SNTG1: variants seen among roughly 807,000 people sequenced by gnomAD.
SNTG1 encodes syntrophin gamma 1.
Under a neutral mutation model 74.7 loss-of-function variants are expected in SNTG1, and 39 were observed. That is an observed-to-expected ratio of 0.52 (90% confidence interval 0.40 to 0.68). SNTG1 has a LOEUF of 0.68. Among genes scored for constraint, SNTG1 ranks in the 30% least tolerant of loss-of-function variants. The pLI, the probability that SNTG1 is intolerant of heterozygous loss-of-function variation, is 0.00. For synonymous variants in SNTG1, 254 were observed against 217.1 expected, an observed-to-expected ratio of 1.17 and a Z score of -1.49; for missense variants, 685 against 609.5, an observed-to-expected ratio of 1.12 and a Z score of -1.30.
chr8:50,216,955 G>GAA (rs1303543840), intron 2 of SNTG1, among the ~76,000 whole-genome samples: 8 of 151,716 alleles, frequency 5.3e-5, no homozygotes, highest in African/African-American at 1.9e-4. Context: ...AACAGAAGTA[G>GAA]AAAACTTATT....
At chr8:50,386,838 G>A (rs1162829310) in intron 2 of SNTG1, among the ~76,000 whole-genome samples, 3 of 152,112 alleles carry the variant, frequency 2.0e-5, no homozygotes, top group Non-Finnish European at 4.4e-5. Flanking sequence ...ACTCTCCACC[G>A]GGCCCACCTT....
intron 1 of SNTG1, among the ~76,000 whole-genome samples, chr8:50,036,754 C>T (rs1818202490): frequency 6.6e-6 from 1 of 152,182 alleles, no homozygotes; most frequent in Admixed American, 6.5e-5. Context: ...AACTCCTCTT[C>T]TTCGGCTGAA....
intron 2 of SNTG1, among the ~76,000 whole-genome samples, chr8:50,322,403 A>C (rs1246085049): frequency 6.6e-6 from 1 of 152,036 alleles, no homozygotes; most frequent in African/African-American, 2.4e-5. Context: ...GCTGCCAGCT[A>C]TATTGGAGCT....
chr8:49,993,453 G>A (rs1343136672), intron 1 of SNTG1, among the ~76,000 whole-genome samples: 4 of 151,474 alleles, frequency 2.6e-5, no homozygotes, highest in Middle Eastern at 3.4e-3. Context: ...GGTTTGTTAC[G>A]TAGGTATACA....
chr8:50,039,670 C>G lies in SNTG1; in HGVS notation c.-103+127439C>G, dbSNP rs1818467235. The stretch of plus-strand genomic sequence containing the variant: ...TTTTTTTTGCCTATAGAGTATATTC[C>G]CTATTTCCCATATCAAATCTTGCCA... On this transcript the variant is annotated intron_variant, in intron 1 of 18. Transcript: ENST00000642720. Among the ~76,000 whole-genome samples the G allele has an allele frequency of 2.0e-5, 3 of 152,042 alleles. No homozygotes were observed. In the South Asian group the frequency reaches 6.2e-4, roughly 32 times the overall value.
At chr8:50,155,251 A>G (rs912991549) in intron 1 of SNTG1, among the ~76,000 whole-genome samples, 1 of 152,212 alleles carries the variant, frequency 6.6e-6, no homozygotes, top group Non-Finnish European at 1.5e-5. Context: ...AAGGATAGAG[A>G]GTACAAAATT....
intron 1 of SNTG1, among the ~76,000 whole-genome samples, chr8:49,952,908 T>C (rs529444942): frequency 1.3e-5 from 2 of 152,330 alleles, no homozygotes; most frequent in Admixed American, 6.5e-5. Context: ...TAACTTGAGA[T>C]AGAACAAGTA....
At chr8:50,435,573 C>G (rs779139694) in intron 4 of SNTG1, among the ~76,000 whole-genome samples, 5 of 152,108 alleles carry the variant, frequency 3.3e-5, no homozygotes, top group Non-Finnish European at 5.9e-5. Flanking sequence ...TTAGCAGAGG[C>G]CACACCAAGA....
At chr8:50,160,977 T>C (rs548347414) in intron 1 of SNTG1, among the ~76,000 whole-genome samples, 1 of 152,216 alleles carries the variant, frequency 6.6e-6, no homozygotes, top group Non-Finnish European at 1.5e-5. Context: ...GGACCACTGC[T>C]GCAAAGAGAG....
In SNTG1 at chr8:50,792,772, T is replaced by C. The variant is rs1366317081; in HGVS notation, c.1497T>C (p.Ala499=). 1.9e-6 allele frequency: 3 copies of C among 1,612,550 alleles called. No individual in the cohort carries two copies. Among genetic ancestry groups the C allele is most frequent in the Non-Finnish European group, 8.5e-7 (1 of 1,178,948 alleles). The part of the protein sequence containing the change: ...CLDPLFLGNQ[A]TASTAASSAT... ...ACCCTCTATTTTTAGGCAATCAAGCTACTGCTTCTACTGCTGCCAGCTCTG... is the reference window on the plus strand; with the variant it reads ...ACCCTCTATTTTTAGGCAATCAAGCCACTGCTTCTACTGCTGCCAGCTCTG... Residue 499 remains alanine (A), a synonymous_variant, in exon 19 of 19, where the codon GCT becomes GCC. Coordinates refer to ENST00000642720, the MANE Select transcript of SNTG1 (RefSeq NM_018967.5).
chr8:50,481,140 T>G (rs1449242283), intron 8 of SNTG1, among the ~76,000 whole-genome samples: 1 of 152,144 alleles, frequency 6.6e-6, no homozygotes, highest in African/African-American at 2.4e-5. Context: ...CCCAGCACTT[T>G]GGGAAGCCGA....
intron 2 of SNTG1, among the ~76,000 whole-genome samples, chr8:50,178,262 A>G (rs1563700942): frequency 6.6e-6 from 1 of 152,092 alleles, no homozygotes; most frequent in Non-Finnish European, 1.5e-5. Flanking sequence ...TGGCAAAACC[A>G]TTTGGCATTC....
chr8:50,312,102 A>G (rs1339433139), intron 2 of SNTG1, among the ~76,000 whole-genome samples: 1 of 152,164 alleles, frequency 6.6e-6, no homozygotes, highest in Non-Finnish European at 1.5e-5. Flanking sequence ...CTGTATGACA[A>G]TGGACAAGTT....
intron 15 of SNTG1, among the ~76,000 whole-genome samples, chr8:50,661,651 T>A (rs989054724): frequency 2.0e-5 from 3 of 152,130 alleles, no homozygotes; most frequent in Non-Finnish European, 2.9e-5. Context: ...ATCATCTAGG[T>A]TTTAGGCCCT....
chr8:50,457,264 C>G (rs185874040), intron 8 of SNTG1, among the ~76,000 whole-genome samples: 152 of 152,304 alleles, frequency 1.0e-3, no homozygotes, highest in Non-Finnish European at 1.6e-3. Context: ...GCCCACAGAG[C>G]TGCAGCACAC....
intron 2 of SNTG1, among the ~76,000 whole-genome samples, chr8:50,343,045 ACAAAC>A (rs1454692137): frequency 3.3e-5 from 5 of 152,166 alleles, no homozygotes; most frequent in African/African-American, 1.2e-4. Flanking sequence ...AAACCAGAAA[ACAAAC>A]AGAGATACAC....
chr8:50,467,417 C>T (rs4440649), intron 8 of SNTG1, among the ~76,000 whole-genome samples: 130,615 of 151,778 alleles, frequency 0.86, 56,318 homozygotes, highest in Non-Finnish European at 0.89. Context: ...ATCAAATCTG[C>T]GGGCATAGAG....
chr8:50,366,035 C>A (rs1036115748), intron 2 of SNTG1, among the ~76,000 whole-genome samples: 1 of 152,088 alleles, frequency 6.6e-6, no homozygotes, highest in Non-Finnish European at 1.5e-5. Flanking sequence ...TATTTTCTAA[C>A]AAACAATTTA....
intron 4 of SNTG1, among the ~76,000 whole-genome samples, chr8:50,425,718 C>T (rs2093155555): frequency 6.6e-6 from 1 of 152,056 alleles, no homozygotes; most frequent in Non-Finnish European, 1.5e-5. Flanking sequence ...ACATACCTTA[C>T]TTTGATACAG....
Sources: gnomAD v4.1 joint callset for allele counts (sites outside exome capture counted in the v4.1 genomes callset) on GRCh38, gnomAD v4.1.1 for gene constraint, MANE v1.5 for transcripts, NCBI Gene and HGNC (gene_info 2026-07-23, HGNC 2026-07-21) for gene names.